Variants in NDUFA9 observed in about 807,000 individuals in gnomAD.
NDUFA9 encodes NADH:ubiquinone oxidoreductase subunit A9, also known as NADH dehydrogenase [ubiquinone] 1 alpha subcomplex subunit 9, mitochondrial.
Under a neutral mutation model 45.9 loss-of-function variants are expected in NDUFA9, and 23 were observed. The ratio of observed to expected loss-of-function variants is 0.50; its 90% CI spans 0.36 to 0.71. The LOEUF (loss-of-function observed/expected upper bound fraction) is 0.71. NDUFA9 is among the 30% of genes least tolerant of loss of function. The pLI, the probability that NDUFA9 is intolerant of heterozygous loss-of-function variation, is 0.00. For synonymous variants in NDUFA9, 176 were observed against 170.5 expected (o/e 1.03, Z -0.25); for missense variants, 466 against 488.2 (o/e 0.95, Z 0.43).
chr12:4,664,598 T>C (rs866905344), intron 6 of NDUFA9, among the ~76,000 whole-genome samples: 2 of 152,204 alleles, frequency 1.3e-5, no homozygotes, highest in African/African-American at 2.4e-5. Context: ...TACAGCTGCC[T>C]GATCCTTGGG....
At chr12:4,656,779 G>C (rs1374972630) in intron 3 of NDUFA9, among the ~76,000 whole-genome samples, 1 of 152,116 alleles carries the variant, frequency 6.6e-6, no homozygotes, top group Admixed American at 6.6e-5. Context: ...ATTTTACATG[G>C]GGTTTGAAGA....
In NDUFA9 at chr12:4,680,630, T is replaced by G. The variant is rs550381548; in HGVS notation, c.801-1575T>G. Among the ~76,000 whole-genome samples, 3 of 152,344 alleles carry G rather than the reference T, an allele frequency of 2.0e-5. No homozygotes were observed. In the East Asian group the frequency reaches 5.8e-4, roughly 29 times the overall value. Reference sequence around the variant, plus strand: ...GTCATCGTAAAAATTCAAGTTGCTCTTGGCGTAGCATGTATTATATGTCCT... The same window carrying G: ...GTCATCGTAAAAATTCAAGTTGCTCGTGGCGTAGCATGTATTATATGTCCT... On this transcript the variant is annotated intron_variant, in intron 8 of 10. Coordinates refer to ENST00000266544, the MANE Select transcript of NDUFA9 (RefSeq NM_005002.5).
chr12:4,685,082 G>T (rs1232862916), intron 9 of NDUFA9, 177 bp from the exon 10 acceptor site: 1 of 706,928 alleles, frequency 1.4e-6, no homozygotes, highest in African/African-American at 1.8e-5. Flanking sequence ...TGGCTTGAGA[G>T]GAGATGGACC....
At chr12:4,685,611 C>T (rs1565573348) in intron 10 of NDUFA9, among the ~76,000 whole-genome samples, 2 of 152,184 alleles carry the variant, frequency 1.3e-5, no homozygotes, top group Non-Finnish European at 1.5e-5. Flanking sequence ...TTCCTCCCAT[C>T]ACTCTTCCAG....
In NDUFA9 at chr12:4,682,275, T is replaced by G; in HGVS notation, c.871T>G (p.Phe291Val). 1 of 1,613,230 alleles carries G rather than the reference T, an allele frequency of 6.2e-7. No homozygotes were observed. The highest frequency in any genetic ancestry group is 8.5e-7 in the Non-Finnish European group (1 of 1,179,412). ...FAVAHRLFLP[F>V]PLPLFAYRWV... ...TGTGGCTCACAGATTGTTCCTCCCA[T>G]TCCCCTTGCCGCTTTTTGCCTATCG... Residue 291 changes from phenylalanine (F) to valine (V), a missense_variant, in exon 9 of 11, where the codon TTC becomes GTC. Phe to Val is a conservative substitution (Grantham distance 50). Transcript: ENST00000266544.
At chr12:4,686,217 C>T (rs1591551693) in intron 10 of NDUFA9, among the ~76,000 whole-genome samples, 1 of 152,304 alleles carries the variant, frequency 6.6e-6, no homozygotes, top group Middle Eastern at 3.4e-3. Context: ...AAAAGAATTG[C>T]AGACTTTCAG....
Position 4,658,937 on chromosome 12 carries a change from G to A in NDUFA9, c.411-99G>A, listed in dbSNP as rs4766268. 1,237,044 of 1,242,452 alleles carry A rather than the reference G, an allele frequency of 1. 616,019 individuals carry two copies. The highest frequency in any genetic ancestry group is 1 in the East Asian group (42,162 of 42,162). The allele number at this position is 1,242,452 out of a possible 1,614,324, so 77.0% of individuals were successfully genotyped here. On this transcript the variant is annotated intron_variant, in intron 4 of 10. Coordinates refer to ENST00000266544, the MANE Select transcript of NDUFA9 (RefSeq NM_005002.5). The stretch of plus-strand genomic sequence containing the variant: ...ATTGCTGTTTAAAAGTTTAAGTAGT[G>A]TGAATTTCAGTACTGTTATGAAAAC...
rs1268752565 is a variant in NDUFA9, at chr12:4,687,670, C to G, written c.*562C>G. ...GGATCTGAGCTATCTGAGGCCAGCC[C>G]GATGCCCTTAGTACCACATCTGGAT... On this transcript the variant is annotated 3_prime_UTR_variant, in exon 11 of 11. Coordinates refer to ENST00000266544, the MANE Select transcript of NDUFA9 (RefSeq NM_005002.5). The G allele has an allele frequency of 6.6e-6, 1 of 152,228 alleles. No individual in the cohort carries two copies. The highest frequency in any genetic ancestry group is 2.4e-5 in the African/African-American group (1 of 41,436). The allele number at this position is 152,228 out of a possible 1,614,324, so 9.4% of individuals were successfully genotyped here. A position where few individuals can be genotyped will look rare whatever the true frequency, so the allele number is the denominator to read the frequency against.
rs1250664753 is a variant in NDUFA9 at position 4,692,367 on chromosome 12, C to T, written c.*5259C>T. On this transcript the variant is annotated 3_prime_UTR_variant, in exon 11 of 11. Coordinates refer to ENST00000266544, the MANE Select transcript of NDUFA9 (RefSeq NM_005002.5). ...CCTCACCCCTTGTTCCTACTCCTAC[C>T]ATGTGAGGTGCTTGCTCCCTTTTCA... 6.6e-6 allele frequency: 1 copy of T among 152,164 alleles called. No individual in the cohort carries two copies. The highest frequency in any genetic ancestry group is 2.4e-5 in the African/African-American group (1 of 41,422). The allele number at this position is 152,164 out of a possible 1,614,324, so 9.4% of individuals were successfully genotyped here. A position where few individuals can be genotyped will look rare whatever the true frequency, so the allele number is the denominator to read the frequency against.
At chr12:4,663,634 T>G (rs2137469664) in intron 6 of NDUFA9, among the ~76,000 whole-genome samples, 1 of 152,318 alleles carries the variant, frequency 6.6e-6, no homozygotes, top group Non-Finnish European at 1.5e-5. Context: ...GGCTGGCACT[T>G]TGATCTTGAA....
Position 4,669,783 on chromosome 12 carries a change from C to A in NDUFA9, c.766C>A (p.Pro256Thr). ...SKGIVNAVKD[P>T]DANGKSFAFV... The stretch of plus-strand genomic sequence containing the variant: ...AGGAATTGTTAATGCAGTTAAGGAT[C>A]CTGATGCCAATGGGAAATCCTTTGC... Residue 256 changes from proline to threonine, a missense_variant, in exon 8 of 11, where the codon CCT becomes ACT. Coordinates refer to ENST00000266544, the MANE Select transcript of NDUFA9 (RefSeq NM_005002.5). 1.2e-6 allele frequency: 2 copies of A among 1,612,762 alleles called. No individual in the cohort carries two copies. Among genetic ancestry groups the A allele is most frequent in the South Asian group, 1.1e-5 (1 of 91,024 alleles).
chr12:4,668,754 T>C, intron 7 of NDUFA9: 1 of 515,260 alleles, frequency 1.9e-6, no homozygotes, highest in Non-Finnish European at 3.5e-6. Context: ...ATCATACATG[T>C]CACATGTCAC....
intron 7 of NDUFA9, 164 bp downstream of exon 7, chr12:4,668,688 G>C (rs896828451): frequency 1.7e-5 from 11 of 639,510 alleles, no homozygotes; most frequent in Non-Finnish European, 3.1e-5. Context: ...TGCCTTCTCT[G>C]TGTCTTCACT....
intron 5 of NDUFA9, among the ~76,000 whole-genome samples, chr12:4,661,674 G>A (rs577735740): frequency 2.8e-5 from 3 of 106,352 alleles, no homozygotes; most frequent in African/African-American, 6.9e-5. Context: ...AGGAACAGTC[G>A]GAAGAGTTGA....
chr12:4,662,295 C>G (rs1406540557), intron 5 of NDUFA9, among the ~76,000 whole-genome samples: 1 of 152,222 alleles, frequency 6.6e-6, no homozygotes, highest in African/African-American at 2.4e-5. Flanking sequence ...TCAATGTAAG[C>G]TTCCCTTAAA....
At chr12:4,656,893 C>A (rs1230481988) in intron 3 of NDUFA9, among the ~76,000 whole-genome samples, 1 of 152,216 alleles carries the variant, frequency 6.6e-6, no homozygotes, top group East Asian at 1.9e-4. Flanking sequence ...CACTTTCTAT[C>A]ATCAGTCCTA....
intron 9 of NDUFA9, among the ~76,000 whole-genome samples, chr12:4,682,547 C>T (rs1945959992): frequency 6.6e-6 from 1 of 152,220 alleles, no homozygotes; most frequent in South Asian, 2.1e-4. Context: ...AGATGCAGTT[C>T]TTCACTTTCT....
In NDUFA9 at chr12:4,691,862, A is replaced by C. The variant is rs1946020498; in HGVS notation, c.*4754A>C. 1 of 152,048 alleles carries C rather than the reference A, an allele frequency of 6.6e-6. No homozygotes were observed. Among genetic ancestry groups the C allele is most frequent in the Non-Finnish European group, 1.5e-5 (1 of 68,034 alleles). The allele number at this position is 152,048 out of a possible 1,614,324, so 9.4% of individuals were successfully genotyped here. On this transcript the variant is annotated 3_prime_UTR_variant, in exon 11 of 11. Coordinates refer to ENST00000266544, the MANE Select transcript of NDUFA9 (RefSeq NM_005002.5). ...TGTGTTTGCTGATTGGCTTTATCCA[A>C]AGGAAGAGTAAACATCTCATCCTTA...
At chr12:4,686,796 G>A (rs1344547159) in intron 10 of NDUFA9, 142 bp from the exon 11 acceptor site, 10 of 777,236 alleles carry the variant, frequency 1.3e-5, no homozygotes, top group South Asian at 7.6e-5. Context: ...TGCATGAATC[G>A]AAAATTGCCA....
Sources: gnomAD v4.1 joint callset for allele counts (sites outside exome capture counted in the v4.1 genomes callset) on GRCh38, gnomAD v4.1.1 for gene constraint, MANE v1.5 for transcripts, NCBI Gene and HGNC (gene_info 2026-07-23, HGNC 2026-07-21) for gene names.